NEK10: variants seen among roughly 807,000 people sequenced by gnomAD.
NEK10 encodes NIMA related kinase 10.
A neutral mutation model predicts 159.8 loss-of-function variants in NEK10; 122 were observed. The ratio of observed to expected loss-of-function variants is 0.76; its 90% CI spans 0.66 to 0.89. NEK10 has a LOEUF of 0.89. Ranked by LOEUF, NEK10 falls within the 40% of genes least tolerant of loss-of-function variation. The pLI is 0.00. For synonymous variants in NEK10, 466 were observed against 457.1 expected, an observed-to-expected ratio of 1.02 and a Z score of -0.25; for missense variants, 1,342 against 1,323.1, an observed-to-expected ratio of 1.01 and a Z score of -0.22.
chr3:27,127,796 T>C (rs1010842146), intron 32 of NEK10, among the ~76,000 whole-genome samples: 1 of 152,158 alleles, frequency 6.6e-6, no homozygotes, highest in Non-Finnish European at 1.5e-5. Flanking sequence ...TAATTCCATA[T>C]ATTGCAAGTG....
chr3:27,198,893 A>G (rs1166868604), intron 25 of NEK10, among the ~76,000 whole-genome samples: 2 of 151,962 alleles, frequency 1.3e-5, no homozygotes, highest in African/African-American at 4.8e-5. Context: ...AACACCGTGA[A>G]ACCCGTCTCT....
At chr3:27,145,099 G>A (rs1353512090) in intron 30 of NEK10, among the ~76,000 whole-genome samples, 1 of 151,150 alleles carries the variant, frequency 6.6e-6, no homozygotes, top group African/African-American at 2.4e-5. Flanking sequence ...TTTTAGATTA[G>A]CCCACTGAAA....
At chr3:27,309,135 G>A in intron 9 of NEK10, 130 bp from the exon 10 acceptor site, 1 of 477,218 alleles carries the variant, frequency 2.1e-6, no homozygotes. Flanking sequence ...AGATCATATA[G>A]GCTTAACTGT....
At chr3:27,202,780 T>C (rs1207434202) in intron 23 of NEK10, among the ~76,000 whole-genome samples, 1 of 152,180 alleles carries the variant, frequency 6.6e-6, no homozygotes, top group African/African-American at 2.4e-5. Flanking sequence ...CAGTAACTCA[T>C]ATAAGTATCA....
intron 8 of NEK10, chr3:27,311,837 G>A (rs1452615246): frequency 2.4e-6 from 1 of 414,798 alleles, no homozygotes; most frequent in Admixed American, 4.3e-5. Context: ...CGCAAAAATA[G>A]ATTTTACCAA....
At chr3:27,214,978 G>A (rs1439919509) in intron 23 of NEK10, 7 of 710,262 alleles carry the variant, frequency 9.9e-6, no homozygotes, top group Admixed American at 7.4e-5. Context: ...GACCACATCC[G>A]CCAGGCACCG....
At position 27,268,132 on chromosome 3, in the gene NEK10, G is replaced by T. The variant is rs375875194; in HGVS notation, c.2015-11761C>A. On this transcript the variant is annotated intron_variant, in intron 22 of 35. Transcript: ENST00000691995. ...GAAGACTGAGAGAGGTGAGAAAGCTGCAGAAGAAAGTCTGGAAGCTAGCAG... is the reference window on the plus strand; with the variant it reads ...GAAGACTGAGAGAGGTGAGAAAGCTTCAGAAGAAAGTCTGGAAGCTAGCAG... Among the ~76,000 whole-genome samples, 34 of 152,344 alleles carry T rather than the reference G, an allele frequency of 2.2e-4. No individual in the cohort carries two copies. In the South Asian group the frequency reaches 2.3e-3, roughly 10 times the overall value.
chr3:27,276,515 G>A (rs2041786211), intron 22 of NEK10, among the ~76,000 whole-genome samples: 1 of 152,168 alleles, frequency 6.6e-6, no homozygotes. Context: ...AGGAGATTAC[G>A]AAGAAAGGGC....
At chr3:27,309,809 T>C (rs757053207) in intron 9 of NEK10, 1 of 152,206 alleles carries the variant, frequency 6.6e-6, no homozygotes, top group Non-Finnish European at 1.5e-5. Flanking sequence ...AAGATATGAA[T>C]ACTATCGAGC....
chr3:27,342,041 T>G (rs892738310), intron 5 of NEK10, among the ~76,000 whole-genome samples: 1 of 152,040 alleles, frequency 6.6e-6, no homozygotes, highest in Non-Finnish European at 1.5e-5. Context: ...TCCTTTATTG[T>G]GTAATTGTCT....
chr3:27,201,165 T>C (rs1950010508), intron 25 of NEK10, among the ~76,000 whole-genome samples: 1 of 152,228 alleles, frequency 6.6e-6, no homozygotes, highest in African/African-American at 2.4e-5. Context: ...TTGTCTGGCC[T>C]TTTTCCAATT....
chr3:27,311,082 C>A, intron 8 of NEK10, 66 bp from the exon 9 acceptor site: 1 of 968,418 alleles, frequency 1.0e-6, no homozygotes. Context: ...TCCAGGAGCA[C>A]AGATCTGCAG....
chr3:27,187,212 C>T (rs1192116596), intron 26 of NEK10, among the ~76,000 whole-genome samples: 1 of 152,116 alleles, frequency 6.6e-6, no homozygotes, highest in African/African-American at 2.4e-5. Flanking sequence ...AGAAGAAGTC[C>T]AGAGCCCCTG....
intron 30 of NEK10, among the ~76,000 whole-genome samples, chr3:27,150,942 G>C (rs1383657392): frequency 6.6e-6 from 1 of 152,150 alleles, no homozygotes; most frequent in Non-Finnish European, 1.5e-5. Context: ...ACCCTCTGAA[G>C]GAAGCAGACT....
At chr3:27,359,448 G>C (rs778041895) in intron 1 of NEK10, among the ~76,000 whole-genome samples, 2 of 152,138 alleles carry the variant, frequency 1.3e-5, no homozygotes, top group Non-Finnish European at 2.9e-5. Flanking sequence ...AGTTCTGTCT[G>C]TTTTCAAAGG....
intron 7 of NEK10, among the ~76,000 whole-genome samples, 197 bp from the exon 8 acceptor site, chr3:27,312,374 C>A (rs537029252): frequency 5.3e-5 from 8 of 152,268 alleles, no homozygotes; most frequent in Admixed American, 1.3e-4. Flanking sequence ...GCTTCTCTTG[C>A]GTGCTATGAA....
rs780525663 is a variant in NEK10 at position 27,119,835 on chromosome 3, T to G, written c.3115A>C (p.Asn1039His). The G allele has an allele frequency of 6.2e-7, 1 of 1,613,992 alleles. No homozygotes were observed. Among genetic ancestry groups the G allele is most frequent in the Non-Finnish European group, 8.5e-7 (1 of 1,179,894 alleles). ...AAATGGTAATCTGCTGTGAAAAAGT[T>G]GGGCTCAATCGGTTCTGGAGATCCC... is the stretch of plus-strand genomic sequence containing the variant. ...SQGSPEPIEP[N>H]FFTADYHLLH... Residue 1039 changes from asparagine (N) to histidine (H), a missense_variant, in exon 33 of 36, where the codon AAC (asparagine) becomes CAC (histidine). Transcript: ENST00000691995.
In NEK10 at chr3:27,162,376, G is replaced by A; in HGVS notation, c.2869+325C>T. On this transcript the variant is annotated intron_variant, in intron 30 of 35. Coordinates refer to ENST00000691995, the MANE Select transcript of NEK10 (RefSeq NM_001394966.1). ...TCTTTGTATTAAAATTACCACCCAA[G>A]CATCGTTCAGACATCTCAGGCCCAA... 3 of 1,548,174 alleles carry A rather than the reference G, an allele frequency of 1.9e-6. No homozygotes were observed. In the African/African-American group the frequency reaches 4.1e-5, roughly 21 times the overall value.
At chr3:27,161,864 G>A (rs1395060606) in intron 30 of NEK10, among the ~76,000 whole-genome samples, 1 of 152,102 alleles carries the variant, frequency 6.6e-6, no homozygotes, top group African/African-American at 2.4e-5. Context: ...AATTAGCCAG[G>A]AATGGTGGCA....
Sources: allele counts gnomAD v4.1 joint callset (sites outside exome capture counted in the v4.1 genomes callset), GRCh38; gene constraint gnomAD v4.1.1; transcripts MANE v1.5; gene names NCBI Gene and HGNC (gene_info 2026-07-23, HGNC 2026-07-21).